ECE1: variants seen among roughly 807,000 people sequenced by gnomAD.
ECE1 encodes endothelin converting enzyme 1.
Under a neutral mutation model 98.6 loss-of-function variants are expected in ECE1, and 35 were observed. The ratio of observed to expected loss-of-function variants is 0.35; its 90% CI spans 0.27 to 0.47. The LOEUF (loss-of-function observed/expected upper bound fraction) is 0.47, where lower values mean the gene tolerates loss of function less well. ECE1 is among the 20% of genes least tolerant of loss of function. The probability of loss-of-function intolerance (pLI) is 1.00; values close to 1 mark genes in which losing one functional copy is unlikely to be tolerated. For synonymous variants in ECE1, 394 were observed against 407.1 expected (o/e 0.97, Z 0.39); for missense variants, 814 against 1,025.3 (o/e 0.79, Z 2.81).
At position 21,220,190 on chromosome 1, in the gene ECE1, T is replaced by C. The variant is rs1420951050; in HGVS notation, c.2137-59A>G. On this transcript the variant is annotated intron_variant, in intron 18 of 18. Coordinates refer to ENST00000374893, the MANE Select transcript of ECE1 (RefSeq NM_001397.3). This position sits in a 1 kb window ranked among gnomAD's most constrained non-coding sequence, Gnocchi z 5.0. The stretch of plus-strand genomic sequence containing the variant: ...CTGTGGGGCCCTCGGGCTGCCAGAC[T>C]GCCCCCATTATAACAGCAGGGGAGG... 6.4e-7 allele frequency: 1 copy of C among 1,557,198 alleles called. No homozygotes were observed. Among genetic ancestry groups the C allele is most frequent in the African/African-American group, 1.4e-5 (1 of 73,758 alleles).
chr1:21,339,585 T>C (rs2103419862), intron 1 of ECE1, among the ~76,000 whole-genome samples: 1 of 152,352 alleles, frequency 6.6e-6, no homozygotes, highest in East Asian at 1.9e-4. Flanking sequence ...AGGCACATAG[T>C]AGATGCTCAT....
intron 13 of ECE1, among the ~76,000 whole-genome samples, chr1:21,234,865 G>T (rs2098186120): frequency 6.6e-6 from 1 of 152,224 alleles, no homozygotes; most frequent in Non-Finnish European, 1.5e-5. Context: ...GCTCTGCCCA[G>T]GATGCCTCCA....
At chr1:21,278,486 C>T (rs1599963) in intron 3 of ECE1, among the ~76,000 whole-genome samples, 163 of 152,324 alleles carry the variant, frequency 1.1e-3, no homozygotes, top group African/African-American at 3.7e-3. Context: ...ACTTGGATTA[C>T]AAAGGGAGGT....
At chr1:21,222,257 GCTT>G (rs2098168421) in intron 17 of ECE1, among the ~76,000 whole-genome samples, 1 of 151,914 alleles carries the variant, frequency 6.6e-6, no homozygotes, top group Non-Finnish European at 1.5e-5. Flanking sequence ...AACCCAGAAC[GCTT>G]CTTCAATTCT....
intron 1 of ECE1, chr1:21,298,233 C>G (rs1480328512): frequency 6.0e-6 from 1 of 165,336 alleles, no homozygotes; most frequent in East Asian, 1.6e-4. Flanking sequence ...CTTGCTAAAC[C>G]CTCCCTCCCG....
In ECE1 at chr1:21,217,823, A is replaced by C. The variant is rs2098162590; in HGVS notation, c.*2132T>G. The C allele has an allele frequency of 6.6e-6, 1 of 152,316 alleles. No homozygotes were observed. Among genetic ancestry groups the C allele is most frequent in the Non-Finnish European group, 1.5e-5 (1 of 68,130 alleles). The allele number at this position is 152,316 out of a possible 1,614,324, so 9.4% of individuals were successfully genotyped here. ...TGCTGGGACCAGGACCTCCATCTGG[A>C]ATCCACTCTCGATACCCTGCACCAG... On this transcript the variant is annotated 3_prime_UTR_variant, in exon 19 of 19. Coordinates refer to ENST00000374893, the MANE Select transcript of ECE1 (RefSeq NM_001397.3).
intron 1 of ECE1, among the ~76,000 whole-genome samples, chr1:21,310,883 C>T (rs1638709821): frequency 6.6e-6 from 1 of 152,154 alleles, no homozygotes; most frequent in African/African-American, 2.4e-5. Flanking sequence ...CTAGGCTCTT[C>T]CAACCCTACC....
chr1:21,295,096 G>A (rs1478075280), upstream of ECE1, among the ~76,000 whole-genome samples: 1 of 152,228 alleles, frequency 6.6e-6, no homozygotes, highest in Non-Finnish European at 1.5e-5. Flanking sequence ...CCAACTCTGT[G>A]ACCCTGAGCA....
chr1:21,247,907 TAAC>T (rs28367994), intron 8 of ECE1, among the ~76,000 whole-genome samples: 26 of 152,288 alleles, frequency 1.7e-4, no homozygotes, highest in African/African-American at 5.5e-4. Context: ...ATCACCATAA[TAAC>T]AGAACCCACT....
At position 21,247,292 on chromosome 1, in the gene ECE1, G is replaced by A. The variant is rs143000531; in HGVS notation, c.1092C>T (p.Ser364=). 22 of 1,614,080 alleles carry A rather than the reference G, an allele frequency of 1.4e-5. No individual in the cohort carries two copies. The highest frequency in any genetic ancestry group is 6.7e-5 in the Admixed American group (4 of 60,008). The change falls in exon 9 of 19, where the codon TCC becomes TCT. Residue 364 remains serine, a synonymous_variant. Transcript: ENST00000374893. The stretch of plus-strand genomic sequence containing the variant: ...CCTTGTCATAGACCACAATAGGCTC[G>A]GATTCATTGATCTCCACGGGGTAGA... ...TIFYPVEINE[S]EPIVVYDKEY...
At chr1:21,231,064 G>A (rs920656920) in intron 14 of ECE1, among the ~76,000 whole-genome samples, 2 of 151,350 alleles carry the variant, frequency 1.3e-5, no homozygotes, top group Non-Finnish European at 2.9e-5. Flanking sequence ...CCGACCTCAG[G>A]TGATCCACCC....
intron 2 of ECE1, among the ~76,000 whole-genome samples, chr1:21,281,217 A>AAAACG (rs2098254149): frequency 1.3e-5 from 2 of 148,530 alleles, no homozygotes. Context: ...AAAACAAAAC[A>AAAACG]AAACAAAACT....
chr1:21,286,915 C>CA (rs1394747833), intron 2 of ECE1, among the ~76,000 whole-genome samples: 4 of 120,074 alleles, frequency 3.3e-5, no homozygotes, highest in Admixed American at 8.7e-5. Flanking sequence ...GACCTTGTCT[C>CA]AAAAAAAAGA....
Position 21,275,771 on chromosome 1 carries a change from T to C in ECE1, c.281-2860A>G, listed in dbSNP as rs201540302. Among the ~76,000 whole-genome samples, 35 of 152,318 alleles carry C rather than the reference T, an allele frequency of 2.3e-4. No homozygotes were observed. The East Asian group carries it at 5.6e-3, about 24-fold the overall frequency. On this transcript the variant is annotated intron_variant, in intron 3 of 18. Transcript: ENST00000374893. ...CCTGGCCCAGGAAGTGCTTCATGCA[T>C]TTTGATGACCTCATGGTTTCCAGGC...
rs774461292 is a variant in ECE1, at chr1:21,221,854, G to A, written c.2041-12C>T. 1 of 1,613,640 alleles carries A rather than the reference G, an allele frequency of 6.2e-7. No individual in the cohort carries two copies. ...CAGTTCTGGTAAGCCTGGGAGGAGA[G>A]AAAACCAAAGCTCAGGGGTTCCCAT... On this transcript the variant is annotated splice_polypyrimidine_tract_variant and intron_variant, in intron 17 of 18. Coordinates refer to ENST00000374893, the MANE Select transcript of ECE1 (RefSeq NM_001397.3).
At chr1:21,289,589 G>C (rs996248652) in intron 2 of ECE1, among the ~76,000 whole-genome samples, 1 of 152,198 alleles carries the variant, frequency 6.6e-6, no homozygotes, top group African/African-American at 2.4e-5. Flanking sequence ...AAGAGGAAGA[G>C]GGTGGTACTG....
chr1:21,304,973 T>G (rs213061), intron 1 of ECE1, among the ~76,000 whole-genome samples: 16,248 of 152,184 alleles, frequency 0.11, 1,147 homozygotes, highest in East Asian at 0.39. Context: ...CCTTGGTCCC[T>G]GCTTACGTTT....
intron 10 of ECE1, among the ~76,000 whole-genome samples, chr1:21,238,772 C>G (rs2098191747): frequency 6.6e-6 from 1 of 152,134 alleles, no homozygotes; most frequent in South Asian, 2.1e-4. Flanking sequence ...CATTGAAGAT[C>G]TCCTCAAATG....
chr1:21,266,004 C>G (rs964908292), intron 4 of ECE1: 1 of 152,230 alleles, frequency 6.6e-6, no homozygotes, highest in East Asian at 1.9e-4. Flanking sequence ...CAGTCCCTAC[C>G]CCAAAGTCCC....
Sources: gnomAD v4.1 joint callset for allele counts (sites outside exome capture counted in the v4.1 genomes callset) on GRCh38, gnomAD v4.1.1 for gene constraint, Gnocchi (gnomAD v3.1) non-coding constraint, MANE v1.5 for transcripts, NCBI Gene and HGNC (gene_info 2026-07-23, HGNC 2026-07-21) for gene names.